The following BAZ1B variants were observed in gnomAD, a reference collection of about 807,000 sequenced individuals.
BAZ1B encodes tyrosine-protein kinase BAZ1B.
A neutral mutation model predicts 153.8 loss-of-function variants in BAZ1B; 22 were observed. That is an observed-to-expected ratio of 0.14 (90% CI 0.10 to 0.20). The LOEUF (loss-of-function observed/expected upper bound fraction) is 0.20, where lower values mean the gene tolerates loss of function less well. BAZ1B is among the 10% of genes least tolerant of loss of function. The pLI is 1.00. For missense variants in BAZ1B, 1,325 were observed against 1,799.3 expected, an observed-to-expected ratio of 0.74 and a Z score of 4.77; for synonymous variants, 676 against 633.4, an observed-to-expected ratio of 1.07 and a Z score of -1.01.
rs1788724895 is a variant in BAZ1B, at chr7:73,469,722, A to G, written c.2733-72T>C. 1.8e-5 allele frequency: 28 copies of G among 1,546,730 alleles called. No homozygotes were observed. The South Asian group carries it at 3.2e-4, about 17-fold the overall frequency. On this transcript the variant is annotated intron_variant, in intron 8 of 19. Transcript: ENST00000339594. ...TGCAGGATGATTTTACTGCTGGAGA[A>G]GATAATACAGAGTATCACTGAGCAT...
chr7:73,441,945 C>T (rs1438923321), intron 19 of BAZ1B: 5 of 517,914 alleles, frequency 9.7e-6, no homozygotes, highest in East Asian at 3.1e-5. Flanking sequence ...GCTAGACCCT[C>T]GGACTCCTCC....
At chr7:73,485,042 T>C (rs1789349932) in intron 6 of BAZ1B, among the ~76,000 whole-genome samples, 1 of 152,170 alleles carries the variant, frequency 6.6e-6, no homozygotes, top group Admixed American at 6.5e-5. Context: ...GTTATTTCAA[T>C]GTTAACTTCC....
rs146801203 is a variant in BAZ1B at position 73,471,041 on chromosome 7, T to A, written c.2594-558A>T. 2.0e-4 allele frequency among the ~76,000 whole-genome samples: 30 copies of A among 152,236 alleles called. 1 individual carries two copies. In the East Asian group the frequency reaches 5.4e-3, roughly 28 times the overall value. ...TGAGCCACCACACCCAGCCAAAATA[T>A]CACTTCTTAATATATTTTAAACAAT... On this transcript the variant is annotated intron_variant, in intron 7 of 19. Transcript: ENST00000339594.
Position 73,449,542 on chromosome 7 carries a change from C to T in BAZ1B, c.3728G>A (p.Arg1243Lys), listed in dbSNP as rs782815047. The part of the protein sequence containing the change: ...PATARRNSRG[R>K]NYTEESASED... ...TATTTTTAAAAGAAAAGATTCTCAC[C>T]TGCCACGGGAGTTGCGCCTGGCAGT... The change falls in exon 15 of 20, where the codon AGG becomes AAG. Residue 1243 changes from arginine (R) to lysine (K), a missense_variant and splice_region_variant. By Grantham distance (26) the Arg-to-Lys change is conservative. This residue lies in a region of BAZ1B where 271 missense variants were observed against 337.2 expected (regional missense o/e 0.80). Transcript: ENST00000339594. 1.2e-5 allele frequency: 19 copies of T among 1,602,496 alleles called. No individual in the cohort carries two copies. Among genetic ancestry groups the T allele is most frequent in the Non-Finnish European group, 1.5e-5 (18 of 1,176,696 alleles).
chr7:73,518,985 T>C (rs117500375), intron 1 of BAZ1B, among the ~76,000 whole-genome samples: 2,351 of 152,090 alleles, frequency 0.015, 22 homozygotes, highest in Non-Finnish European at 0.024. Context: ...CTGATTCTGA[T>C]AAAGTTAGTG....
chr7:73,508,256 T>C, intron 3 of BAZ1B, 71 bp downstream of exon 3: 5 of 1,493,480 alleles, frequency 3.3e-6, no homozygotes, highest in Non-Finnish European at 4.6e-6. Context: ...CACATAGAAA[T>C]GTGTTCTGTA....
At chr7:73,518,781 C>T (rs1282901348) in intron 1 of BAZ1B, among the ~76,000 whole-genome samples, 1 of 151,878 alleles carries the variant, frequency 6.6e-6, no homozygotes, top group Non-Finnish European at 1.5e-5. Flanking sequence ...TGAATAAGCC[C>T]CTCATTATCA....
intron 3 of BAZ1B, among the ~76,000 whole-genome samples, chr7:73,506,743 C>A (rs1258375877): frequency 6.9e-6 from 1 of 144,482 alleles, no homozygotes. Flanking sequence ...CCCAGCTACT[C>A]GGGAGGCTGA....
At chr7:73,489,672 A>G (rs1789558946) in intron 5 of BAZ1B, among the ~76,000 whole-genome samples, 1 of 152,174 alleles carries the variant, frequency 6.6e-6, no homozygotes, top group African/African-American at 2.4e-5. Flanking sequence ...ATACGCCAAT[A>G]GTCCTAGCTA....
At chr7:73,508,198 A>ATTAATACTTTACG in intron 3 of BAZ1B, 129 bp downstream of exon 3, 19 of 1,036,460 alleles carry the variant, frequency 1.8e-5, no homozygotes, top group Non-Finnish European at 2.4e-5. Flanking sequence ...AACGTAAAGT[A>ATTAATACTTTACG]TTAATACTTA....
chr7:73,454,163 T>A (rs554465840), intron 13 of BAZ1B, among the ~76,000 whole-genome samples: 2 of 150,998 alleles, frequency 1.3e-5, no homozygotes, highest in South Asian at 4.2e-4. Context: ...AATAAATAAA[T>A]AAAAATTTAA....
chr7:73,510,408 G>A (rs1166234315), intron 2 of BAZ1B, among the ~76,000 whole-genome samples: 6 of 152,136 alleles, frequency 3.9e-5, no homozygotes, highest in South Asian at 2.1e-4. Context: ...CAGCCTGGGC[G>A]AGAGCGAGAT....
intron 1 of BAZ1B, among the ~76,000 whole-genome samples, chr7:73,514,218 GAA>G (rs1554578947): frequency 6.6e-6 from 1 of 151,820 alleles, no homozygotes; most frequent in South Asian, 2.1e-4. Context: ...GCAGGGGCCA[GAA>G]AAAAACAAAA....
chr7:73,440,797 G>A lies in BAZ1B; in HGVS notation c.*912C>T, dbSNP rs1554564634. ...TGTTCTAGGAGCTGCAGTCCCCTTG[G>A]TGGACTTTAAATAGGTACAGAAGAG... On this transcript the variant is annotated 3_prime_UTR_variant, in exon 20 of 20. Coordinates refer to ENST00000339594, the MANE Select transcript of BAZ1B (RefSeq NM_032408.4). The A allele has an allele frequency of 6.6e-6, 1 of 152,472 alleles. No homozygotes were observed. Among genetic ancestry groups the A allele is most frequent in the Admixed American group, 6.5e-5 (1 of 15,280 alleles). 9.4% of individuals were successfully genotyped at this position (152,472 alleles called of 1,614,324 possible).
intron 11 of BAZ1B, chr7:73,464,015 C>T (rs1788488023): frequency 1.4e-6 from 1 of 717,540 alleles, no homozygotes; most frequent in Non-Finnish European, 1.7e-6. Flanking sequence ...CCTCCTCTGT[C>T]TTTCTTAATT....
intron 6 of BAZ1B, among the ~76,000 whole-genome samples, chr7:73,487,661 G>C (rs575720671): frequency 6.6e-6 from 1 of 152,260 alleles, no homozygotes; most frequent in East Asian, 1.9e-4. Flanking sequence ...AGCGAAGATA[G>C]GAATCTCATG....
At chr7:73,487,493 T>C (rs886146604) in intron 6 of BAZ1B, among the ~76,000 whole-genome samples, 4 of 152,152 alleles carry the variant, frequency 2.6e-5, no homozygotes, top group Admixed American at 1.3e-4. Flanking sequence ...ATTTTACCCA[T>C]AAAAAGAGTC....
intron 10 of BAZ1B, among the ~76,000 whole-genome samples, chr7:73,465,897 A>G (rs1042254958): frequency 6.6e-6 from 1 of 152,220 alleles, no homozygotes; most frequent in East Asian, 1.9e-4. Flanking sequence ...TGGATCCTCT[A>G]AAACCTAGCT....
intron 16 of BAZ1B, 76 bp downstream of exon 16, chr7:73,447,188 T>TGCCA: frequency 1.2e-6 from 2 of 1,611,162 alleles, no homozygotes; most frequent in Non-Finnish European, 1.7e-6. Flanking sequence ...CACTACCTAC[T>TGCCA]GCCAAGCCAG....
Sources: allele counts gnomAD v4.1 joint callset (sites outside exome capture counted in the v4.1 genomes callset), GRCh38; gene constraint gnomAD v4.1.1; regional missense constraint gnomAD v4.1.1; transcripts MANE v1.5; gene names NCBI Gene and HGNC (gene_info 2026-07-23, HGNC 2026-07-21).